The following CDH18 variants were observed in gnomAD, a reference collection of about 807,000 sequenced individuals.
The protein encoded by CDH18 is cadherin-18.
A neutral mutation model predicts 67.9 loss-of-function variants in CDH18; 31 were observed. That is an observed-to-expected ratio of 0.46 (90% CI 0.34 to 0.62). The LOEUF is 0.62. Among genes scored for constraint, CDH18 ranks in the 20% least tolerant of loss-of-function variants. CDH18 has a pLI of 0.01. For missense variants in CDH18, 890 were observed against 975.5 expected, an observed-to-expected ratio of 0.91 and a Z score of 1.17; for synonymous variants, 362 against 347.2, an observed-to-expected ratio of 1.04 and a Z score of -0.48.
chr5:20,537,873 T>C (rs999918296), intron 1 of CDH18, among the ~76,000 whole-genome samples: 1 of 152,184 alleles, frequency 6.6e-6, no homozygotes, highest in African/African-American at 2.4e-5. Flanking sequence ...CCTGTAGCAA[T>C]TGGAAGTTGT....
intron 2 of CDH18, among the ~76,000 whole-genome samples, chr5:19,956,334 T>G (rs1796254412): frequency 6.6e-6 from 1 of 151,990 alleles, no homozygotes; most frequent in African/African-American, 2.4e-5. Context: ...TTTTGATCTG[T>G]CCACTCTCTA....
chr5:20,329,768 C>CAAAAAAA (rs60246535), intron 1 of CDH18, among the ~76,000 whole-genome samples: 5 of 62,562 alleles, frequency 8.0e-5, no homozygotes, highest in African/African-American at 1.2e-4. Context: ...GAAACTCCAT[C>CAAAAAAA]AAAAAAAAAA....
intron 12 of CDH18, among the ~76,000 whole-genome samples, chr5:19,474,681 A>AATG (rs1376408907): frequency 6.6e-6 from 1 of 152,150 alleles, no homozygotes; most frequent in African/African-American, 2.4e-5. Flanking sequence ...CATCACAGGT[A>AATG]ATGATATTTC....
intron 2 of CDH18, among the ~76,000 whole-genome samples, chr5:20,116,486 A>G (rs1232904442): frequency 6.6e-6 from 1 of 152,008 alleles, no homozygotes; most frequent in Non-Finnish European, 1.5e-5. Flanking sequence ...ACTACACTCC[A>G]GCCTGGGTGA....
At chr5:19,580,324 C>A (rs1020745850) in intron 7 of CDH18, among the ~76,000 whole-genome samples, 2 of 151,804 alleles carry the variant, frequency 1.3e-5, no homozygotes, top group African/African-American at 2.4e-5. Flanking sequence ...AATTTCTAAA[C>A]TCATAACAAT....
intron 1 of CDH18, among the ~76,000 whole-genome samples, chr5:20,280,146 T>C (rs1746135284): frequency 6.6e-6 from 1 of 152,106 alleles, no homozygotes; most frequent in Admixed American, 6.6e-5. Context: ...ATTTCTTTTC[T>C]TTTTAATATT....
rs375476196 is a variant in CDH18, at chr5:19,639,180, T to G, written c.644-26579A>C. Among the ~76,000 whole-genome samples, 42 of 152,018 alleles carry G rather than the reference T, an allele frequency of 2.8e-4. 1 individual carries two copies. Among genetic ancestry groups the G allele is most frequent in the African/African-American group, 8.4e-4 (35 of 41,486 alleles). On this transcript the variant is annotated intron_variant, in intron 5 of 12. Transcript: ENST00000382275. ...ACCATGCCTGGCTAATTTTTTGTATTTTTAGTAGAGACGGGGTTTCACCGT... is the reference window on the plus strand; with the variant it reads ...ACCATGCCTGGCTAATTTTTTGTATGTTTAGTAGAGACGGGGTTTCACCGT...
At chr5:19,668,027 C>G (rs1005192710) in intron 5 of CDH18, among the ~76,000 whole-genome samples, 6 of 151,958 alleles carry the variant, frequency 3.9e-5, no homozygotes, top group African/African-American at 1.4e-4. Flanking sequence ...CTATAAAAAA[C>G]TCCTTAATTT....
chr5:20,326,033 A>T (rs1476793475), intron 1 of CDH18, among the ~76,000 whole-genome samples: 1 of 152,164 alleles, frequency 6.6e-6, no homozygotes, highest in Non-Finnish European at 1.5e-5. Flanking sequence ...AAATATGCTC[A>T]GGCACATTTC....
At chr5:19,514,164 A>T (rs1163146173) in intron 10 of CDH18, among the ~76,000 whole-genome samples, 1 of 152,182 alleles carries the variant, frequency 6.6e-6, no homozygotes, top group Non-Finnish European at 1.5e-5. Flanking sequence ...CGTCCCTACA[A>T]AGGACGGGAA....
chr5:20,347,484 GAGA>G (rs907599380), intron 1 of CDH18, among the ~76,000 whole-genome samples: 9 of 152,162 alleles, frequency 5.9e-5, no homozygotes, highest in Admixed American at 1.3e-4. Context: ...AGGATCAGTG[GAGA>G]AGAACAGAGA....
In CDH18 at chr5:19,656,959, T is replaced by C. The variant is rs544111006; in HGVS notation, c.644-44358A>G. ...TACCTACTAGCAAGTTGGGATAAAA[T>C]TGAAATATAAACAACATGGTATGGG... On this transcript the variant is annotated intron_variant, in intron 5 of 12. Coordinates refer to ENST00000382275, the MANE Select transcript of CDH18 (RefSeq NM_004934.5). Among the ~76,000 whole-genome samples, 4 of 151,994 alleles carry C rather than the reference T, an allele frequency of 2.6e-5. No homozygotes were observed. The East Asian group carries it at 5.8e-4, about 22-fold the overall frequency.
At chr5:20,232,171 A>AT (rs555173915) in intron 2 of CDH18, among the ~76,000 whole-genome samples, 2,787 of 147,104 alleles carry the variant, frequency 0.019, 66 homozygotes, top group African/African-American at 0.054. Flanking sequence ...GTTTCTATTT[A>AT]TTTTTTTTTT....
chr5:19,590,152 G>A (rs1744854922), intron 7 of CDH18, among the ~76,000 whole-genome samples: 1 of 151,916 alleles, frequency 6.6e-6, no homozygotes, highest in South Asian at 2.1e-4. Context: ...ACACATTGAA[G>A]GAACTCAAAA....
intron 1 of CDH18, among the ~76,000 whole-genome samples, chr5:20,540,839 A>G (rs1757012573): frequency 6.6e-6 from 1 of 152,228 alleles, no homozygotes; most frequent in Admixed American, 6.5e-5. Flanking sequence ...TTCCCATATT[A>G]GGGCTGAAGA....
rs574265211 is a variant in CDH18 at position 19,537,377 on chromosome 5, TTC to T, written c.1390+6490_1390+6491del. Among the ~76,000 whole-genome samples, 441 of 151,848 alleles carry T rather than the reference TTC, an allele frequency of 2.9e-3. 2 individuals are homozygous for T. The highest frequency in any genetic ancestry group is 0.01 in the African/African-American group (424 of 41,424). Reference sequence around the variant, plus strand: ...AAATCTACCTGTTCCCCCTCTCTCTTTCTCTCTCTCTTTCTCTATTTATCAAT... The same window carrying T: ...AAATCTACCTGTTCCCCCTCTCTCTTTCTCTCTCTTTCTCTATTTATCAAT... On this transcript the variant is annotated intron_variant, in intron 9 of 12. Coordinates refer to ENST00000382275, the MANE Select transcript of CDH18 (RefSeq NM_004934.5).
chr5:19,783,410 T>C (rs1775350587), intron 3 of CDH18, among the ~76,000 whole-genome samples: 1 of 152,204 alleles, frequency 6.6e-6, no homozygotes, highest in Admixed American at 6.6e-5. Flanking sequence ...ATAAAACTCA[T>C]ATATTTCCAT....
intron 11 of CDH18, 141 bp from the exon 12 acceptor site, chr5:19,483,693 T>C (rs1579715080): frequency 1.2e-6 from 1 of 814,102 alleles, no homozygotes; most frequent in African/African-American, 1.7e-5. Context: ...AAGGGGCAAT[T>C]ATTAAAGAGA....
intron 2 of CDH18, among the ~76,000 whole-genome samples, chr5:20,233,475 C>A (rs1341479325): frequency 6.6e-6 from 1 of 151,846 alleles, no homozygotes; most frequent in Non-Finnish European, 1.5e-5. Context: ...TCAGTTAGCA[C>A]TATAAATAAT....
Sources: allele counts gnomAD v4.1 joint callset (sites outside exome capture counted in the v4.1 genomes callset), GRCh38; gene constraint gnomAD v4.1.1; transcripts MANE v1.5; gene names NCBI Gene and HGNC (gene_info 2026-07-23, HGNC 2026-07-21).